Variants in C2orf74 observed in about 807,000 individuals in gnomAD.
The protein encoded by C2orf74 is uncharacterized protein C2orf74.
In C2orf74, 14 loss-of-function variants were observed where a neutral mutation model predicts 17.9. The observed-to-expected ratio is 0.78, with a 90% CI of 0.52 to 1.22. C2orf74 has a LOEUF of 1.22. Among genes scored for constraint, C2orf74 ranks in the 50% most tolerant of loss-of-function variants. C2orf74 has a pLI of 0.00. For synonymous variants in C2orf74, 79 were observed against 72.6 expected (o/e 1.09, Z -0.44); for missense variants, 217 against 218.4 (o/e 0.99, Z 0.04).
At chr2:61,145,134 A>T (rs1343462950) in exon 1 of C2orf74, 2 of 152,382 alleles carry the variant, frequency 1.3e-5, no homozygotes, top group African/African-American at 4.8e-5. Context: ...GGACATGTTG[A>T]CGTCGTCCGA....
At chr2:61,154,550 A>G (rs993970223) in intron 1 of C2orf74, among the ~76,000 whole-genome samples, 1 of 152,216 alleles carries the variant, frequency 6.6e-6, no homozygotes, top group Non-Finnish European at 1.5e-5. Context: ...CTGATTTAAG[A>G]TATTAATAAT....
intron 1 of C2orf74, chr2:61,152,145 G>A (rs1426425230): frequency 6.6e-6 from 1 of 152,390 alleles, no homozygotes; most frequent in Non-Finnish European, 1.5e-5. Context: ...GTAGAACAAC[G>A]AGTGGTTTAG....
At chr2:61,164,288 A>C (rs1260483827) in intron 4 of C2orf74, 66 bp from the exon 5 acceptor site, 1 of 1,352,444 alleles carries the variant, frequency 7.4e-7, no homozygotes, top group Non-Finnish European at 9.8e-7. Flanking sequence ...ATAACCTGTA[A>C]TTTTAAAAGC....
chr2:61,149,558 G>GCT (rs1685163676), intron 1 of C2orf74, among the ~76,000 whole-genome samples: 1 of 109,624 alleles, frequency 9.1e-6, no homozygotes, highest in African/African-American at 3.6e-5. Flanking sequence ...TCCCCGTCTA[G>GCT]ATGTTGGGCG....
At chr2:61,153,718 G>A (rs530044612) in intron 1 of C2orf74, among the ~76,000 whole-genome samples, 7 of 150,338 alleles carry the variant, frequency 4.7e-5, no homozygotes, top group African/African-American at 7.3e-5. Context: ...GTGAAACCCC[G>A]TCTCCACTAA....
chr2:61,162,750 C>G, intron 2 of C2orf74, 92 bp from the exon 3 acceptor site: 5 of 1,144,506 alleles, frequency 4.4e-6, no homozygotes, highest in Non-Finnish European at 6.4e-6. Context: ...TTTAGAAATG[C>G]TGATATCCTG....
At chr2:61,153,999 G>A (rs1685319703) in intron 1 of C2orf74, among the ~76,000 whole-genome samples, 1 of 152,166 alleles carries the variant, frequency 6.6e-6, no homozygotes, top group Admixed American at 6.5e-5. Context: ...AGCACTTTAA[G>A]AGGCTGAGGT....
In C2orf74 at chr2:61,162,213, T is replaced by C; in HGVS notation, c.-207T>C. ...GATTCCTCTCTCCTCTGGGTCCTGA[T>C]AGTTTTTGGGGTGAGGGAGGTGAGC... On this transcript the variant is annotated 5_prime_UTR_variant, in exon 1 of 5. Coordinates refer to ENST00000432605, the MANE Select transcript of C2orf74 (RefSeq NM_001143959.4). 2.6e-6 allele frequency: 1 copy of C among 380,872 alleles called. No homozygotes were observed. 23.6% of individuals were successfully genotyped at this position (380,872 alleles called of 1,614,324 possible).
At chr2:61,162,723 C>A in intron 2 of C2orf74, 114 bp downstream of exon 2, 2 of 1,086,310 alleles carry the variant, frequency 1.8e-6, no homozygotes, top group Non-Finnish European at 2.7e-6. Context: ...TAATTATCTA[C>A]TTTTCCATTT....
chr2:61,160,189 G>C (rs935146548), upstream of C2orf74, among the ~76,000 whole-genome samples: 9 of 148,026 alleles, frequency 6.1e-5, no homozygotes, highest in African/African-American at 2.2e-4. Flanking sequence ...ATGAAGTCCT[G>C]CTCTTGTTCT....
At chr2:61,149,590 T>C (rs1273285479) in intron 1 of C2orf74, among the ~76,000 whole-genome samples, 1 of 146,730 alleles carries the variant, frequency 6.8e-6, no homozygotes, top group Non-Finnish European at 1.5e-5. Flanking sequence ...TTTTTTTTTT[T>C]TTTTTTTTGA....
At chr2:61,158,496 A>G (rs147958901), upstream of C2orf74, among the ~76,000 whole-genome samples, 1 of 152,312 alleles carries the variant, frequency 6.6e-6, no homozygotes, top group Non-Finnish European at 1.5e-5. Context: ...AGTGTCACTG[A>G]AACACCAGGG....
intron 1 of C2orf74, among the ~76,000 whole-genome samples, chr2:61,145,455 CCT>C (rs2105008277): frequency 6.6e-6 from 1 of 152,038 alleles, no homozygotes; most frequent in Non-Finnish European, 1.5e-5. Context: ...GAGATGGAGT[CCT>C]GTGTTGCCCA....
At chr2:61,153,435 T>C (rs1218797501) in intron 1 of C2orf74, among the ~76,000 whole-genome samples, 7 of 151,016 alleles carry the variant, frequency 4.6e-5, no homozygotes, top group Non-Finnish European at 1.5e-5. Context: ...CGCCCACCAC[T>C]ACGCCTAGCT....
At chr2:61,156,834 A>G (rs141879296) in intron 1 of C2orf74, among the ~76,000 whole-genome samples, 53 of 152,310 alleles carry the variant, frequency 3.5e-4, no homozygotes, top group African/African-American at 1.2e-3. Context: ...GCAGTGAACC[A>G]AGATCATGCC....
chr2:61,164,685 A>G lies in C2orf74; in HGVS notation c.*158A>G. 2 of 531,344 alleles carry G rather than the reference A, an allele frequency of 3.8e-6. No individual in the cohort carries two copies. Among genetic ancestry groups the G allele is most frequent in the East Asian group, 6.9e-5 (2 of 28,972 alleles). The allele number at this position is 531,344 out of a possible 1,614,324, so 32.9% of individuals were successfully genotyped here. ...CAGAAAGGAGTGAGCCATGTGCAAA[A>G]TTCTGTAAGTAAAATACTTAGAGCT... On this transcript the variant is annotated 3_prime_UTR_variant, in exon 5 of 5. Coordinates refer to ENST00000432605, the MANE Select transcript of C2orf74 (RefSeq NM_001143959.4).
chr2:61,153,922 A>G (rs1233177294), intron 1 of C2orf74, among the ~76,000 whole-genome samples: 1 of 148,958 alleles, frequency 6.7e-6, no homozygotes, highest in African/African-American at 2.5e-5. Flanking sequence ...AAAAGAAAAT[A>G]TGTCTTCCTT....
At chr2:61,162,381 A>G (rs1217475461) in intron 1 of C2orf74, 35 bp from the exon 2 acceptor site, 3 of 693,116 alleles carry the variant, frequency 4.3e-6, no homozygotes, top group African/African-American at 1.8e-5. Flanking sequence ...CAAAAGAACA[A>G]CAAAGAAAAC....
intron 1 of C2orf74, among the ~76,000 whole-genome samples, chr2:61,149,257 C>T (rs1032093389): frequency 5.3e-5 from 8 of 152,074 alleles, no homozygotes; most frequent in Non-Finnish European, 7.4e-5. Flanking sequence ...GTGGTTTTCT[C>T]CAGAGTGGGA....
Sources: gnomAD v4.1 joint callset for allele counts (sites outside exome capture counted in the v4.1 genomes callset) on GRCh38, gnomAD v4.1.1 for gene constraint, MANE v1.5 for transcripts, NCBI Gene and HGNC (gene_info 2026-07-23, HGNC 2026-07-21) for gene names.